The following EPS8 variants were observed in gnomAD, a reference collection of about 807,000 sequenced individuals.
EPS8 encodes the protein EGFR pathway substrate 8, signaling adaptor.
A neutral mutation model predicts 103.8 loss-of-function variants in EPS8; 42 were observed. The ratio of observed to expected loss-of-function variants is 0.40; its 90% CI spans 0.32 to 0.52. EPS8 has a LOEUF of 0.52. EPS8 is among the 20% of genes least tolerant of loss of function. The probability of loss-of-function intolerance (pLI) is 0.40; values close to 1 mark genes in which losing one functional copy is unlikely to be tolerated. For synonymous variants in EPS8, 344 were observed against 344.6 expected (o/e 1.00, Z 0.02); for missense variants, 969 against 1,005.1 (o/e 0.96, Z 0.49).
Position 15,779,367 on chromosome 12 carries a change from G to C in EPS8, c.-22+9794C>G, listed in dbSNP as rs1947237907. 6.6e-6 allele frequency among the ~76,000 whole-genome samples: 1 copy of C among 152,122 alleles called. No homozygotes were observed. The highest frequency in any genetic ancestry group is 2.4e-5 in the African/African-American group (1 of 41,400). On this transcript the variant is annotated intron_variant, in intron 1 of 20. Coordinates refer to ENST00000281172, the MANE Select transcript of EPS8 (RefSeq NM_004447.6). The surrounding 1 kb of genome is among the most constrained non-coding windows in gnomAD (Gnocchi z 4.3). Reference sequence around the variant, plus strand: ...ATATCTTTCTTTAAATTCTAAAAGAGCACTTAAAATCATCTTATTGTACAT... The same window carrying C: ...ATATCTTTCTTTAAATTCTAAAAGACCACTTAAAATCATCTTATTGTACAT...
At chr12:15,682,342 C>T (rs1265800403) in intron 2 of EPS8, among the ~76,000 whole-genome samples, 1 of 152,030 alleles carries the variant, frequency 6.6e-6, no homozygotes, top group East Asian at 1.9e-4. Context: ...AAAATATATA[C>T]CACAATGGCC....
At position 15,784,367 on chromosome 12, in the gene EPS8, G is replaced by A. The variant is rs1403052957; in HGVS notation, c.-22+4794C>T. ...ATCACACCACAGAAGATGTACAGATGAAAAGGGGTATGTGAAAAGATGTTA... is the reference window on the plus strand; with the variant it reads ...ATCACACCACAGAAGATGTACAGATAAAAAGGGGTATGTGAAAAGATGTTA... On this transcript the variant is annotated intron_variant, in intron 1 of 20. Transcript: ENST00000281172. This position sits in a 1 kb window ranked among gnomAD's most constrained non-coding sequence, Gnocchi z 4.0. 6.6e-6 allele frequency among the ~76,000 whole-genome samples: 1 copy of A among 152,130 alleles called. No individual in the cohort carries two copies. The highest frequency in any genetic ancestry group is 1.5e-5 in the Non-Finnish European group (1 of 67,992).
At chr12:15,653,761 G>A (rs1945456419) in intron 13 of EPS8, among the ~76,000 whole-genome samples, 1 of 152,334 alleles carries the variant, frequency 6.6e-6, no homozygotes, top group African/African-American at 2.4e-5. Flanking sequence ...GATAATAAGA[G>A]TAGTTCTGTA....
At chr12:15,658,049 C>T (rs779245972) in intron 12 of EPS8, 30 bp downstream of exon 12, 30 of 1,358,350 alleles carry the variant, frequency 2.2e-5, no homozygotes, top group Admixed American at 5.1e-5. Context: ...ATACTAAGAA[C>T]GATTCTTTCT....
In EPS8 at chr12:15,727,727, G is replaced by C. The variant is rs911696335; in HGVS notation, c.-21-44755C>G. Among the ~76,000 whole-genome samples the C allele has an allele frequency of 2.0e-5, 3 of 152,124 alleles. No homozygotes were observed. The highest frequency in any genetic ancestry group is 7.2e-5 in the African/African-American group (3 of 41,524). On this transcript the variant is annotated intron_variant, in intron 1 of 20. Coordinates refer to ENST00000281172, the MANE Select transcript of EPS8 (RefSeq NM_004447.6). The surrounding 1 kb of genome is among the most constrained non-coding windows in gnomAD (Gnocchi z 4.3). Reference sequence around the variant, plus strand: ...ACAAAAATTAGCCGGGCGTGGTGGCGCGTGCCTGTAATCCCAGCTACTCAG... The same window carrying C: ...ACAAAAATTAGCCGGGCGTGGTGGCCCGTGCCTGTAATCCCAGCTACTCAG...
At chr12:15,742,222 C>T (rs1404065832) in intron 1 of EPS8, among the ~76,000 whole-genome samples, 4 of 152,182 alleles carry the variant, frequency 2.6e-5, no homozygotes, top group Admixed American at 2.6e-4. Context: ...CCTTTGGGTA[C>T]ATACCCAGTA....
At chr12:15,668,363 TCTC>T (rs1180457798) in intron 6 of EPS8, among the ~76,000 whole-genome samples, 1 of 152,208 alleles carries the variant, frequency 6.6e-6, no homozygotes, top group Admixed American at 6.5e-5. Context: ...ACTGTGCTAA[TCTC>T]CTAGAGTTTC....
At chr12:15,641,363 A>AT (rs1048111935) in intron 16 of EPS8, among the ~76,000 whole-genome samples, 5 of 2,566 alleles carry the variant, frequency 1.9e-3, no homozygotes, top group Non-Finnish European at 3.2e-3. Context: ...AGGATATAGG[A>AT]TTAAAAAAAG....
intron 1 of EPS8, among the ~76,000 whole-genome samples, chr12:15,783,232 C>A (rs890868542): frequency 1.3e-5 from 2 of 152,264 alleles, no homozygotes; most frequent in Non-Finnish European, 2.9e-5. Context: ...TGGATTTTCT[C>A]TCCCTTATGG....
intron 3 of EPS8, among the ~76,000 whole-genome samples, chr12:15,678,310 G>T (rs957162225): frequency 6.6e-6 from 1 of 152,172 alleles, no homozygotes; most frequent in Non-Finnish European, 1.5e-5. Flanking sequence ...GGTACTGTGT[G>T]TATGTCTTTG....
At position 15,780,014 on chromosome 12, in the gene EPS8, T is replaced by C. The variant is rs1947243835; in HGVS notation, c.-22+9147A>G. 6.6e-6 allele frequency: 1 copy of C among 152,184 alleles called. No homozygotes were observed. The allele number at this position is 152,184 out of a possible 1,614,324, so 9.4% of individuals were successfully genotyped here. The stretch of plus-strand genomic sequence containing the variant: ...CCAATTTCACCCAAAAACATGCAAG[T>C]TCTCTTTCTTAAATTCCATATAATC... On this transcript the variant is annotated intron_variant, in intron 1 of 20. Coordinates refer to ENST00000281172, the MANE Select transcript of EPS8 (RefSeq NM_004447.6). This position sits in a 1 kb window ranked among gnomAD's most constrained non-coding sequence, Gnocchi z 4.1.
intron 1 of EPS8, among the ~76,000 whole-genome samples, chr12:15,708,864 A>G (rs1304818388): frequency 6.6e-6 from 1 of 152,144 alleles, no homozygotes; most frequent in Admixed American, 6.5e-5. Context: ...TATCAGTCCA[A>G]AGTCTTTCCC....
At chr12:15,677,860 G>C (rs1217680827) in intron 3 of EPS8, among the ~76,000 whole-genome samples, 2 of 152,152 alleles carry the variant, frequency 1.3e-5, no homozygotes. Context: ...ACAGATGGAT[G>C]AATGACAAGG....
In EPS8 at chr12:15,665,860, G is replaced by A. The variant is rs1048014138; in HGVS notation, c.632C>T (p.Pro211Leu). ...CGCAGGGGCAGGAGCTCTGGGTGGA[G>A]GCGGTATACTAGGGTCTGCATTGGA... The part of the protein sequence containing the change: ...MISNADPSIP[P>L]PPRAPAPAPP... Residue 211 changes from proline to leucine, a missense_variant, in exon 8 of 21, where the codon CCT (proline) becomes CTT (leucine). By Grantham distance (98) the Pro-to-Leu change is moderately conservative (BLOSUM62 -3). Transcript: ENST00000281172. 1.9e-6 allele frequency: 3 copies of A among 1,613,990 alleles called. No individual in the cohort carries two copies. The highest frequency in any genetic ancestry group is 1.7e-5 in the Admixed American group (1 of 59,986).
rs1226999352 is a variant in EPS8 at position 15,690,155 on chromosome 12, C to T, written c.-21-7183G>A. Among the ~76,000 whole-genome samples the T allele has an allele frequency of 2.6e-5, 4 of 152,138 alleles. No individual in the cohort carries two copies. The South Asian group carries it at 6.2e-4, about 24-fold the overall frequency. ...TACTGCAGGTGACTCACTGCATTTC[C>T]GTATAGCTCCTTAAGAGGATCAATC... On this transcript the variant is annotated intron_variant, in intron 1 of 20. Coordinates refer to ENST00000281172, the MANE Select transcript of EPS8 (RefSeq NM_004447.6). The surrounding 1 kb of genome is among the most constrained non-coding windows in gnomAD (Gnocchi z 4.7).
At chr12:15,755,071 G>T (rs1352631043) in intron 1 of EPS8, among the ~76,000 whole-genome samples, 1 of 152,182 alleles carries the variant, frequency 6.6e-6, no homozygotes, top group Non-Finnish European at 1.5e-5. Flanking sequence ...CTAGTGGTTA[G>T]AGATGTCAGG....
chr12:15,679,539 T>A (rs1365158237), intron 3 of EPS8, among the ~76,000 whole-genome samples: 1 of 152,218 alleles, frequency 6.6e-6, no homozygotes, highest in African/African-American at 2.4e-5. Context: ...TTGATAGTCC[T>A]GCTTAAAAGG....
At chr12:15,623,629 T>A (rs1420911154) in intron 19 of EPS8, among the ~76,000 whole-genome samples, 2 of 152,222 alleles carry the variant, frequency 1.3e-5, no homozygotes, top group African/African-American at 2.4e-5. Context: ...ATCTCATTTT[T>A]CAATCATGCT....
rs141934614 is a variant in EPS8, at chr12:15,771,796, C to T, written c.-22+17365G>A. On this transcript the variant is annotated intron_variant, in intron 1 of 20. Transcript: ENST00000281172. The surrounding 1 kb of genome is among the most constrained non-coding windows in gnomAD (Gnocchi z 4.6). The stretch of plus-strand genomic sequence containing the variant: ...TGTGGCTAACTCATTACAAAGAATT[C>T]TTTGTGGCAGTATTGAGAGCTAATT... 6.6e-6 allele frequency among the ~76,000 whole-genome samples: 1 copy of T among 151,996 alleles called. No individual in the cohort carries two copies. Among genetic ancestry groups the T allele is most frequent in the East Asian group, 1.9e-4 (1 of 5,156 alleles).
Sources: gnomAD v4.1 joint callset for allele counts (sites outside exome capture counted in the v4.1 genomes callset) on GRCh38, gnomAD v4.1.1 for gene constraint, Gnocchi (gnomAD v3.1) non-coding constraint, MANE v1.5 for transcripts, NCBI Gene and HGNC (gene_info 2026-07-23, HGNC 2026-07-21) for gene names.